The following FOCAD variants were observed in gnomAD, a reference collection of about 807,000 sequenced individuals.
The protein encoded by FOCAD is KIAA1797.
FOCAD carries 198 observed loss-of-function variants against 225.6 expected under a neutral mutation model. The ratio of observed to expected loss-of-function variants is 0.88; its 90% CI spans 0.78 to 0.99. FOCAD has a LOEUF of 0.99. FOCAD is among the 50% of genes least tolerant of loss of function. The pLI is 0.00. For missense variants in FOCAD, 2,713 were observed against 2,123.6 expected, an observed-to-expected ratio of 1.28 and a Z score of -5.46; for synonymous variants, 897 against 755.0, an observed-to-expected ratio of 1.19 and a Z score of -3.08.
At chr9:20,785,700 A>T (rs1819847232) in intron 10 of FOCAD, among the ~76,000 whole-genome samples, 1 of 152,142 alleles carries the variant, frequency 6.6e-6, no homozygotes, top group South Asian at 2.1e-4. Context: ...TTTGGCTATA[A>T]TGCTGCTATA....
At chr9:20,693,901 G>A (rs1823133223) in intron 1 of FOCAD, among the ~76,000 whole-genome samples, 1 of 152,140 alleles carries the variant, frequency 6.6e-6, no homozygotes, top group African/African-American at 2.4e-5. Flanking sequence ...AGTACAGATG[G>A]CACTTCACCA....
At chr9:20,941,751 C>G (rs1271844003) in intron 28 of FOCAD, among the ~76,000 whole-genome samples, 4 of 152,080 alleles carry the variant, frequency 2.6e-5, no homozygotes, top group African/African-American at 9.7e-5. Flanking sequence ...AGTTTCATAC[C>G]CAATATTATA....
At position 20,684,283 on chromosome 9, in the gene FOCAD, G is replaced by GC. The variant is rs1822520206; in HGVS notation, c.-42dup. On this transcript the variant is annotated 5_prime_UTR_variant, in exon 1 of 44. Coordinates refer to ENST00000338382, the MANE Select transcript of FOCAD (RefSeq NM_001375567.1). ...CAGCCGGCGCTGGGCTGAGCTTGTG[G>GC]CAGAAGGGAGGTAAGCCGTGCGGGG... is the stretch of plus-strand genomic sequence containing the variant. 2 of 152,342 alleles carry GC rather than the reference G, an allele frequency of 1.3e-5. No homozygotes were observed. The highest frequency in any genetic ancestry group is 4.1e-4 in the South Asian group (2 of 4,840). The allele number at this position is 152,342 out of a possible 1,614,324, so 9.4% of individuals were successfully genotyped here. A position where few individuals can be genotyped will look rare whatever the true frequency, so the allele number is the denominator to read the frequency against.
chr9:20,678,875 CTT>C (rs1822314751), intron 2 of FOCAD, among the ~76,000 whole-genome samples: 1 of 152,162 alleles, frequency 6.6e-6, no homozygotes, highest in Admixed American at 6.5e-5. Context: ...TGTTTATAGT[CTT>C]TTATTAAACT....
chr9:20,807,644 A>T (rs998999629), intron 11 of FOCAD, among the ~76,000 whole-genome samples: 2 of 152,238 alleles, frequency 1.3e-5, no homozygotes, highest in Admixed American at 1.3e-4. Flanking sequence ...CAGAGTAGCT[A>T]CATTTCAAAT....
intron 2 of FOCAD, among the ~76,000 whole-genome samples, chr9:20,659,078 G>T (rs1821618483): frequency 6.6e-6 from 1 of 152,110 alleles, no homozygotes; most frequent in Non-Finnish European, 1.5e-5. Flanking sequence ...AAATTAGCTG[G>T]CTGTGGTGGT....
At chr9:20,757,406 C>G (rs1396015444) in intron 5 of FOCAD, among the ~76,000 whole-genome samples, 1 of 151,816 alleles carries the variant, frequency 6.6e-6, no homozygotes, top group Non-Finnish European at 1.5e-5. Context: ...GGGTTAAACC[C>G]CATTCTTTGA....
intron 22 of FOCAD, among the ~76,000 whole-genome samples, chr9:20,910,812 C>T (rs924803581): frequency 3.3e-5 from 5 of 151,916 alleles, no homozygotes; most frequent in African/African-American, 1.2e-4. Flanking sequence ...GATTGGGTGG[C>T]AGGGATTAAT....
chr9:20,928,112 ACTAT>A (rs1168942850), intron 26 of FOCAD, among the ~76,000 whole-genome samples: 7 of 152,130 alleles, frequency 4.6e-5, no homozygotes, highest in Admixed American at 2.6e-4. Flanking sequence ...CTTTGCAATA[ACTAT>A]CTAGTTCAGG....
At chr9:20,921,099 G>A (rs1587615181) in intron 24 of FOCAD, among the ~76,000 whole-genome samples, 1 of 152,086 alleles carries the variant, frequency 6.6e-6, no homozygotes, top group South Asian at 2.1e-4. Flanking sequence ...AGGGATAGGG[G>A]TAAGGGAGAG....
At chr9:20,980,450 G>T (rs1447995343) in intron 37 of FOCAD, among the ~76,000 whole-genome samples, 1 of 151,936 alleles carries the variant, frequency 6.6e-6, no homozygotes, top group Admixed American at 6.6e-5. Flanking sequence ...TTAGATCTGT[G>T]CTACTCTGTG....
intron 28 of FOCAD, among the ~76,000 whole-genome samples, chr9:20,940,515 C>A (rs988239398): frequency 6.6e-6 from 1 of 152,010 alleles, no homozygotes; most frequent in African/African-American, 2.4e-5. Flanking sequence ...GAACTCCTGG[C>A]CTCGAGTAAT....
chr9:20,954,783 C>T (rs1045186887), intron 35 of FOCAD, among the ~76,000 whole-genome samples: 7 of 152,146 alleles, frequency 4.6e-5, no homozygotes, highest in East Asian at 1.9e-4. Flanking sequence ...GTCGTCTTGT[C>T]AGGTTTGCTG....
intron 15 of FOCAD, among the ~76,000 whole-genome samples, chr9:20,836,320 G>A (rs181898350): frequency 1.1e-4 from 17 of 152,168 alleles, no homozygotes; most frequent in Middle Eastern, 3.4e-3. Flanking sequence ...GGCTTCTGTC[G>A]CCTACTGTGG....
At chr9:20,835,983 G>A (rs1312543877) in intron 15 of FOCAD, among the ~76,000 whole-genome samples, 2 of 152,012 alleles carry the variant, frequency 1.3e-5, no homozygotes, top group Non-Finnish European at 1.5e-5. Flanking sequence ...TGATTTCCCC[G>A]GAAATACCCT....
At chr9:20,885,330 A>C (rs1409687063) in intron 21 of FOCAD, 100 bp downstream of exon 21, 10 of 1,229,714 alleles carry the variant, frequency 8.1e-6, no homozygotes, top group Non-Finnish European at 9.4e-6. Flanking sequence ...GATCATAATT[A>C]ATGTAAGTTG....
chr9:20,944,497 T>C, intron 28 of FOCAD, 130 bp from the exon 29 acceptor site: 1 of 951,704 alleles, frequency 1.1e-6, no homozygotes, highest in East Asian at 2.5e-5. Context: ...GCACACCATC[T>C]ACTAGGCAGC....
intron 21 of FOCAD, among the ~76,000 whole-genome samples, chr9:20,894,029 A>T (rs1375184979): frequency 6.6e-6 from 1 of 152,052 alleles, no homozygotes; most frequent in Non-Finnish European, 1.5e-5. Flanking sequence ...GCAATCTCCC[A>T]TTCATCCCTT....
intron 1 of FOCAD, among the ~76,000 whole-genome samples, chr9:20,703,110 A>G (rs1333756027): frequency 7.1e-6 from 1 of 140,526 alleles, no homozygotes; most frequent in Non-Finnish European, 1.5e-5. Context: ...ATCATTTGAG[A>G]TTGTGATAAA....
Sources: gnomAD v4.1 joint callset for allele counts (sites outside exome capture counted in the v4.1 genomes callset) on GRCh38, gnomAD v4.1.1 for gene constraint, MANE v1.5 for transcripts, NCBI Gene and HGNC (gene_info 2026-07-23, HGNC 2026-07-21) for gene names.